SPOCK3: variants seen among roughly 807,000 people sequenced by gnomAD.
SPOCK3 encodes testican-3.
Under a neutral mutation model 56.6 loss-of-function variants are expected in SPOCK3, and 30 were observed. The observed-to-expected ratio is 0.53, with a 90% confidence interval of 0.40 to 0.72. The LOEUF is 0.72. Ranked by LOEUF, SPOCK3 falls within the 30% of genes least tolerant of loss-of-function variation. SPOCK3 has a pLI of 0.00. For synonymous variants in SPOCK3, 196 were observed against 183.3 expected (o/e 1.07, Z -0.56); for missense variants, 527 against 530.0 (o/e 0.99, Z 0.06).
At chr4:167,042,411 A>G (rs1358439190) in intron 3 of SPOCK3, among the ~76,000 whole-genome samples, 1 of 152,130 alleles carries the variant, frequency 6.6e-6, no homozygotes, top group Non-Finnish European at 1.5e-5. Flanking sequence ...TTTAACTTAA[A>G]CTATGTCTGG....
intron 6 of SPOCK3, among the ~76,000 whole-genome samples, chr4:166,876,092 C>T (rs1328424699): frequency 6.6e-6 from 1 of 152,096 alleles, no homozygotes; most frequent in African/African-American, 2.4e-5. Context: ...CTCGCTGTTG[C>T]CTTGGAAGAA....
At chr4:166,926,363 A>G (rs1042949017) in intron 4 of SPOCK3, among the ~76,000 whole-genome samples, 5 of 152,128 alleles carry the variant, frequency 3.3e-5, no homozygotes, top group African/African-American at 1.2e-4. Flanking sequence ...CAGATAGCCA[A>G]ATCTGTAGAA....
chr4:166,862,399 T>G (rs1731327552), intron 6 of SPOCK3, among the ~76,000 whole-genome samples: 1 of 151,960 alleles, frequency 6.6e-6, no homozygotes, highest in Admixed American at 6.6e-5. Flanking sequence ...AAAGAGGGAA[T>G]GCACCTGTCA....
intron 6 of SPOCK3, chr4:166,882,830 A>T (rs918251224): frequency 2.6e-5 from 4 of 152,202 alleles, no homozygotes; most frequent in Non-Finnish European, 4.4e-5. Flanking sequence ...TTTCAGACAC[A>T]TTAATTTAAT....
At chr4:166,832,874 G>C (rs114623376) in intron 6 of SPOCK3, among the ~76,000 whole-genome samples, 1 of 152,194 alleles carries the variant, frequency 6.6e-6, no homozygotes, top group African/African-American at 2.4e-5. Flanking sequence ...ACATAAAGAT[G>C]GCAACAATAA....
chr4:167,057,385 G>A (rs1755020536), intron 3 of SPOCK3, among the ~76,000 whole-genome samples: 1 of 152,078 alleles, frequency 6.6e-6, no homozygotes, highest in Non-Finnish European at 1.5e-5. Context: ...CAACTAACGA[G>A]CAAAATAACC....
intron 6 of SPOCK3, among the ~76,000 whole-genome samples, chr4:166,800,278 A>G (rs1560871972): frequency 6.6e-6 from 1 of 151,782 alleles, no homozygotes; most frequent in South Asian, 2.1e-4. Flanking sequence ...TTATCTGATT[A>G]CAAGCGAATT....
chr4:166,995,517 AAAC>A (rs994122704), intron 4 of SPOCK3, among the ~76,000 whole-genome samples: 10 of 152,032 alleles, frequency 6.6e-5, no homozygotes. Context: ...ATGTATATAT[AAAC>A]AAGATAGGCA....
intron 6 of SPOCK3, among the ~76,000 whole-genome samples, chr4:166,858,939 A>G (rs1730958644): frequency 6.6e-6 from 1 of 152,202 alleles, no homozygotes; most frequent in African/African-American, 2.4e-5. Context: ...AGCTGGCTGC[A>G]TATTCAATGG....
At chr4:167,142,111 A>G (rs773683645) in intron 2 of SPOCK3, among the ~76,000 whole-genome samples, 6 of 152,032 alleles carry the variant, frequency 3.9e-5, no homozygotes, top group Admixed American at 1.3e-4. Flanking sequence ...ATGTGAGAAG[A>G]GTAAAGCATT....
At chr4:167,134,496 A>G (rs1561252756) in intron 2 of SPOCK3, among the ~76,000 whole-genome samples, 1 of 152,076 alleles carries the variant, frequency 6.6e-6, no homozygotes, top group East Asian at 1.9e-4. Flanking sequence ...ATTTTGTTAC[A>G]TTTTAATAGC....
intron 4 of SPOCK3, among the ~76,000 whole-genome samples, chr4:166,962,544 AT>A (rs1561061018): frequency 6.6e-6 from 1 of 152,134 alleles, no homozygotes; most frequent in Non-Finnish European, 1.5e-5. Flanking sequence ...GCAATGAAAT[AT>A]TTTAGAGAGG....
chr4:166,773,736 C>T (rs1739218066), intron 7 of SPOCK3, among the ~76,000 whole-genome samples: 1 of 152,132 alleles, frequency 6.6e-6, no homozygotes. Flanking sequence ...ATTCCATTAG[C>T]TCACAATCTT....
chr4:166,959,203 A>G (rs1333720833), intron 4 of SPOCK3, among the ~76,000 whole-genome samples: 1 of 152,156 alleles, frequency 6.6e-6, no homozygotes, highest in East Asian at 1.9e-4. Context: ...ATAGGAAAGG[A>G]AATAAGAAGT....
chr4:167,223,882 A>G (rs1306861924), intron 2 of SPOCK3, among the ~76,000 whole-genome samples: 2 of 152,116 alleles, frequency 1.3e-5, no homozygotes, highest in Admixed American at 6.6e-5. Context: ...TTTCTAGACA[A>G]GGAAGAGTCT....
At chr4:166,931,337 T>TGGGG (rs34413695) in intron 4 of SPOCK3, among the ~76,000 whole-genome samples, 1 of 104,506 alleles carries the variant, frequency 9.6e-6, no homozygotes, top group African/African-American at 3.7e-5. Flanking sequence ...GTGTGGGGGG[T>TGGGG]GGGGGGGCAA....
At chr4:167,223,292 AT>A (rs1736249441) in intron 2 of SPOCK3, among the ~76,000 whole-genome samples, 1 of 143,478 alleles carries the variant, frequency 7.0e-6, no homozygotes, top group South Asian at 2.1e-4. Context: ...GTATTTATAT[AT>A]TCATTTATAA....
At chr4:167,222,814 TAA>T (rs1736116732) in intron 2 of SPOCK3, among the ~76,000 whole-genome samples, 1 of 93,392 alleles carries the variant, frequency 1.1e-5, no homozygotes, top group African/African-American at 5.3e-5. Context: ...TATGAATATA[TAA>T]ATATATAAAC....
chr4:167,062,357 T>C lies in SPOCK3; in HGVS notation c.235+135A>G, dbSNP rs1485520567. On this transcript the variant is annotated intron_variant, in intron 3 of 10. Coordinates refer to ENST00000357545, the MANE Select transcript of SPOCK3 (RefSeq NM_001040159.2). ...ATTATGCTGAAATGTAAGTAATTAT[T>C]GCACAAATTTTTCCATTCATGTAAG... 3 of 525,406 alleles carry C rather than the reference T, an allele frequency of 5.7e-6. No homozygotes were observed. The African/African-American group carries it at 5.8e-5, about 10-fold the overall frequency. 32.5% of individuals were successfully genotyped at this position (525,406 alleles called of 1,614,324 possible). A position where few individuals can be genotyped will look rare whatever the true frequency, so the allele number is the denominator to read the frequency against.
Sources: allele counts gnomAD v4.1 joint callset (sites outside exome capture counted in the v4.1 genomes callset), GRCh38; gene constraint gnomAD v4.1.1; transcripts MANE v1.5; gene names NCBI Gene and HGNC (gene_info 2026-07-23, HGNC 2026-07-21).